Variants in MIS18BP1 observed in about 807,000 individuals in gnomAD.
The protein encoded by MIS18BP1 is mis18-binding protein 1.
A neutral mutation model predicts 116.1 loss-of-function variants in MIS18BP1; 72 were observed. The ratio of observed to expected loss-of-function variants is 0.62; its 90% confidence interval spans 0.51 to 0.75. The LOEUF (loss-of-function observed/expected upper bound fraction) is 0.75, where lower values mean the gene tolerates loss of function less well. Ranked by LOEUF, MIS18BP1 falls within the 30% of genes least tolerant of loss-of-function variation. The pLI is 0.00. For missense variants in MIS18BP1, 1,363 were observed against 1,303.2 expected (o/e 1.05, Z -0.71); for synonymous variants, 386 against 427.0 (o/e 0.90, Z 1.18).
chr14:45,236,390 C>T (rs1238384715), intron 5 of MIS18BP1, among the ~76,000 whole-genome samples: 1 of 152,088 alleles, frequency 6.6e-6, no homozygotes, highest in African/African-American at 2.4e-5. Flanking sequence ...TTTTACCTTT[C>T]ATTTTGGAAG....
chr14:45,231,391 T>G, intron 7 of MIS18BP1, 93 bp from the exon 8 acceptor site: 1 of 1,123,794 alleles, frequency 8.9e-7, no homozygotes. Flanking sequence ...ACCCCTCACA[T>G]AAAGCTCTTT....
At chr14:45,206,885 C>CA (rs1407580726) in intron 14 of MIS18BP1, among the ~76,000 whole-genome samples, 1 of 152,104 alleles carries the variant, frequency 6.6e-6, no homozygotes, top group Non-Finnish European at 1.5e-5. Context: ...AATTGAATCT[C>CA]AGTTTATTCA....
intron 1 of MIS18BP1, among the ~76,000 whole-genome samples, chr14:45,248,068 T>TTTC (rs1458622625): frequency 2.0e-5 from 3 of 147,696 alleles, no homozygotes; most frequent in Non-Finnish European, 4.4e-5. Flanking sequence ...TTTTTTTTTT[T>TTTC]TTTTTCTTTT....
chr14:45,217,037 T>C lies in MIS18BP1; in HGVS notation c.2985A>G (p.Leu995=). 3.1e-6 allele frequency: 5 copies of C among 1,614,098 alleles called. No homozygotes were observed. Among genetic ancestry groups the C allele is most frequent in the Non-Finnish European group, 4.2e-6 (5 of 1,179,962 alleles). The part of the protein sequence containing the change: ...DHDDFFSTTP[L]QHQRILLPSF... The stretch of plus-strand genomic sequence containing the variant: ...CTCTTACCAGTATTCTTTGATGCTG[T>C]AAAGGTGTTGTACTGAAAAAATCAT... The change falls in exon 13 of 17, where the codon TTA becomes TTG. Residue 995 remains leucine, a synonymous_variant. Coordinates refer to ENST00000310806, the MANE Select transcript of MIS18BP1 (RefSeq NM_018353.5).
chr14:45,218,298 ATTGG>A lies in MIS18BP1; in HGVS notation c.2822_2825del (p.Ala941ValfsTer20). ...GAAGGTTACCATTTTGGCCTTTGGAATTGGCTGGCTTCTTCTTAGTGACATGTTT... is the reference window on the plus strand; with the variant it reads ...GAAGGTTACCATTTTGGCCTTTGGAACTGGCTTCTTCTTAGTGACATGTTT... On this transcript the variant is annotated frameshift_variant, in exon 12 of 17. Transcript: ENST00000310806. LOFTEE classifies it high-confidence loss of function. 1 of 1,613,890 alleles carries A rather than the reference ATTGG, an allele frequency of 6.2e-7. No individual in the cohort carries two copies. The highest frequency in any genetic ancestry group is 8.5e-7 in the Non-Finnish European group (1 of 1,179,962).
Position 45,224,060 on chromosome 14 carries a change from G to A in MIS18BP1, c.2527C>T (p.Leu843Phe). ...KKARPSVKET[L>F]QKSGVRKEFP... ...TCTTTCCTAACACCAGACTTCTGAA[G>A]AGTTTCTTTGACGGAAGGTCTAGCT... Residue 843 changes from leucine (L) to phenylalanine (F), a missense_variant, in exon 11 of 17, where the codon CTT (leucine) becomes TTT (phenylalanine). By Grantham distance (22) the Leu-to-Phe change is conservative. Coordinates refer to ENST00000310806, the MANE Select transcript of MIS18BP1 (RefSeq NM_018353.5). The A allele has an allele frequency of 1.9e-6, 3 of 1,613,824 alleles. No individual in the cohort carries two copies. The highest frequency in any genetic ancestry group is 2.2e-5 in the South Asian group (2 of 91,026).
In MIS18BP1 at chr14:45,224,654, G is replaced by A; in HGVS notation, c.1933C>T (p.Gln645Ter). The A allele has an allele frequency of 1.2e-6, 2 of 1,612,826 alleles. No individual in the cohort carries two copies. Among genetic ancestry groups the A allele is most frequent in the South Asian group, 1.1e-5 (1 of 90,718 alleles). The part of the protein sequence containing the change: ...DEERKYMAIN[Q>*]KKAYILVTPL... ...GTTACTAAAATATAAGCTTTCTTCT[G>A]ATTGATGGCCATGTATTTTCTTTCT... Residue 645 changes from glutamine (Q) to a stop codon, truncating the protein, a stop_gained, in exon 11 of 17, where the codon CAG becomes TAG. Transcript: ENST00000310806. LOFTEE classifies it high-confidence loss of function.
intron 9 of MIS18BP1, 56 bp downstream of exon 9, chr14:45,227,607 G>A: frequency 1.4e-6 from 2 of 1,442,744 alleles, no homozygotes; most frequent in South Asian, 1.3e-5. Flanking sequence ...CTTTTCAGTA[G>A]TAAATCACCC....
chr14:45,235,786 T>C, intron 6 of MIS18BP1, 28 bp downstream of exon 6: 2 of 1,563,878 alleles, frequency 1.3e-6, no homozygotes, highest in Non-Finnish European at 1.7e-6. Context: ...CTTCTTAAAA[T>C]AACTTATCAA....
chr14:45,210,456 A>G lies in MIS18BP1; in HGVS notation c.3076T>C (p.Ser1026Pro). 6.2e-7 allele frequency: 1 copy of G among 1,614,044 alleles called. No homozygotes were observed. The highest frequency in any genetic ancestry group is 8.5e-7 in the Non-Finnish European group (1 of 1,179,946). Residue 1026 changes from serine (S) to proline (P), a missense_variant, in exon 14 of 17, where the codon TCA becomes CCA. Coordinates refer to ENST00000310806, the MANE Select transcript of MIS18BP1 (RefSeq NM_018353.5). ...PNMDKNPTTP[S>P]SVIFPLVKTP... ...TTTACCAATGGAAAGATAACTGATG[A>G]TGGAGTTGTTGGATTTTTGTCCATA... is the stretch of plus-strand genomic sequence containing the variant.
chr14:45,209,214 A>C (rs1317247653), intron 14 of MIS18BP1, among the ~76,000 whole-genome samples: 1 of 152,202 alleles, frequency 6.6e-6, no homozygotes, highest in Non-Finnish European at 1.5e-5. Flanking sequence ...ATATGCATAC[A>C]TACATATAGC....
rs758329413 is a variant in MIS18BP1 at position 45,206,144 on chromosome 14, C to T, written c.3179G>A (p.Arg1060His). 2.3e-5 allele frequency: 37 copies of T among 1,606,670 alleles called. No homozygotes were observed. The highest frequency in any genetic ancestry group is 9.0e-5 in the East Asian group (4 of 44,676). Residue 1060 changes from arginine (R) to histidine (H), a missense_variant, in exon 15 of 17, where the codon CGT becomes CAT. Transcript: ENST00000310806. ...NRNDCDKYVF[R>H]MQKYHKSNGG... ...ATTACTTTTATGATATTTTTGCATACGAAAAACATATTTATCACAGTCATT... is the reference window on the plus strand; with the variant it reads ...ATTACTTTTATGATATTTTTGCATATGAAAAACATATTTATCACAGTCATT...
chr14:45,247,660 A>G (rs547026981), intron 1 of MIS18BP1, among the ~76,000 whole-genome samples: 1 of 152,122 alleles, frequency 6.6e-6, no homozygotes, highest in East Asian at 1.9e-4. Flanking sequence ...TGATTGTGCC[A>G]CTGCATTCCA....
intron 12 of MIS18BP1, among the ~76,000 whole-genome samples, 195 bp from the exon 13 acceptor site, chr14:45,217,374 G>C (rs1234978492): frequency 2.6e-5 from 4 of 152,108 alleles, no homozygotes; most frequent in Non-Finnish European, 5.9e-5. Flanking sequence ...GAATGCTTGA[G>C]CCCAGGAGTT....
intron 12 of MIS18BP1, among the ~76,000 whole-genome samples, chr14:45,217,892 A>G (rs956280397): frequency 2.6e-5 from 4 of 152,202 alleles, no homozygotes; most frequent in African/African-American, 9.7e-5. Context: ...GGCATAATCA[A>G]CCTTTTACTA....
intron 4 of MIS18BP1, 21 bp from the exon 5 acceptor site, chr14:45,237,742 G>T (rs1348163424): frequency 1.9e-6 from 3 of 1,570,992 alleles, no homozygotes; most frequent in Non-Finnish European, 1.7e-6. Context: ...ATAAAACAAA[G>T]AACATATTTC....
At chr14:45,220,858 G>A (rs976245276) in intron 11 of MIS18BP1, among the ~76,000 whole-genome samples, 1 of 152,146 alleles carries the variant, frequency 6.6e-6, no homozygotes, top group African/African-American at 2.4e-5. Flanking sequence ...ATATCTGGCC[G>A]GGCTGGTGGC....
intron 15 of MIS18BP1, among the ~76,000 whole-genome samples, chr14:45,205,285 T>C (rs896842981): frequency 2.0e-5 from 3 of 152,094 alleles, no homozygotes; most frequent in African/African-American, 4.8e-5. Flanking sequence ...ATGATCCCCA[T>C]TGTCATACCA....
chr14:45,246,480 G>C (rs1358669329), intron 2 of MIS18BP1, among the ~76,000 whole-genome samples: 1 of 152,048 alleles, frequency 6.6e-6, no homozygotes, highest in Admixed American at 6.6e-5. Context: ...TCTGACCATC[G>C]CACTGAAAAT....
Sources: allele counts gnomAD v4.1 joint callset (sites outside exome capture counted in the v4.1 genomes callset), GRCh38; gene constraint gnomAD v4.1.1; transcripts MANE v1.5; gene names NCBI Gene and HGNC (gene_info 2026-07-23, HGNC 2026-07-21).